TEX15: variants seen among roughly 807,000 people sequenced by gnomAD.
TEX15 encodes testis-expressed protein 15.
In TEX15, 171 loss-of-function variants were observed where a neutral mutation model predicts 237.3. The observed-to-expected ratio is 0.72, with a 90% CI of 0.64 to 0.82. TEX15 has a LOEUF of 0.82. TEX15 is among the 40% of genes least tolerant of loss of function. TEX15 has a pLI of 0.00. For synonymous variants in TEX15, 1,338 were observed against 1,269.8 expected (o/e 1.05, Z -1.14); for missense variants, 3,750 against 3,646.5 (o/e 1.03, Z -0.73).
At position 30,858,848 on chromosome 8, in the gene TEX15, G is replaced by C; in HGVS notation, c.688-18C>G. 2.7e-6 allele frequency: 4 copies of C among 1,486,934 alleles called. No individual in the cohort carries two copies. The highest frequency in any genetic ancestry group is 3.5e-6 in the Non-Finnish European group (4 of 1,127,380). The allele number at this position is 1,486,934 out of a possible 1,614,324, so 92.1% of individuals were successfully genotyped here. A position where few individuals can be genotyped will look rare whatever the true frequency, so the allele number is the denominator to read the frequency against. On this transcript the variant is annotated intron_variant, in intron 6 of 10. Transcript: ENST00000643185. ...AAGTACACCTGAAAGATGAAAACAG[G>C]TTCATGCTGATTAATTTTGGCAATC...
chr8:30,833,617 CT>C (rs1807228102), intron 10 of TEX15, among the ~76,000 whole-genome samples: 1 of 152,164 alleles, frequency 6.6e-6, no homozygotes, highest in South Asian at 2.1e-4. Context: ...AAGCACTGTC[CT>C]TTAGTTCCAT....
rs1171817434 is a variant in TEX15, at chr8:30,832,819, A to G, written c.*467T>C. 6.6e-6 allele frequency: 1 copy of G among 152,328 alleles called. No individual in the cohort carries two copies. Among genetic ancestry groups the G allele is most frequent in the Non-Finnish European group, 1.5e-5 (1 of 68,098 alleles). 9.4% of individuals were successfully genotyped at this position (152,328 alleles called of 1,614,324 possible). The stretch of plus-strand genomic sequence containing the variant: ...CAAACCAATTTTTCTTATTAAAAAT[A>G]TTTTACAAGTAGAAACTATAAAATA... On this transcript the variant is annotated 3_prime_UTR_variant, in exon 11 of 11. Coordinates refer to ENST00000643185, the MANE Select transcript of TEX15 (RefSeq NM_001350162.2).
At position 30,846,067 on chromosome 8, in the gene TEX15, T is replaced by C. The variant is rs1807596556; in HGVS notation, c.4100A>G (p.Glu1367Gly). 1.2e-6 allele frequency: 2 copies of C among 1,613,328 alleles called. No individual in the cohort carries two copies. Among genetic ancestry groups the C allele is most frequent in the Non-Finnish European group, 8.5e-7 (1 of 1,179,616 alleles). The change falls in exon 8 of 11, where the codon GAA (glutamate) becomes GGA (glycine). Residue 1367 changes from glutamate to glycine, a missense_variant. Glu to Gly is a moderately conservative substitution (Grantham distance 98). Transcript: ENST00000643185. Reference protein sequence around the residue: ...IKSVLNILSDEASLCKSKCLS... With the variant: ...IKSVLNILSDGASLCKSKCLS... The stretch of plus-strand genomic sequence containing the variant: ...ACATTTGCTTTTACATAAAGATGCT[T>C]CATCACTTAGGATATTTAGGACACT...
chr8:30,837,993 T>C lies in TEX15; in HGVS notation c.8291A>G (p.Asn2764Ser), dbSNP rs1188979768. The C allele has an allele frequency of 2.5e-6, 4 of 1,614,118 alleles. No homozygotes were observed. The highest frequency in any genetic ancestry group is 1.6e-4 in the Middle Eastern group (1 of 6,062). Reference protein sequence around the residue: ...VPSSCDSLKRNHLTPKKVEMQ... With the variant: ...VPSSCDSLKRSHLTPKKVEMQ... ...TTCAACCTTTTTTGGCGTTAAATGA[T>C]TTCTTTTCAGACTGTCACATGAACT... Residue 2764 changes from asparagine (N) to serine (S), a missense_variant, in exon 10 of 11, where the codon AAT (asparagine) becomes AGT (serine). Transcript: ENST00000643185.
At chr8:30,893,922 C>T (rs1808844159) in intron 2 of TEX15, among the ~76,000 whole-genome samples, 1 of 152,020 alleles carries the variant, frequency 6.6e-6, no homozygotes, top group African/African-American at 2.4e-5. Flanking sequence ...CTTCTTTTAC[C>T]TATGTTCAAA....
intron 1 of TEX15, among the ~76,000 whole-genome samples, chr8:30,912,457 G>C (rs1231825412): frequency 6.6e-6 from 1 of 152,302 alleles, no homozygotes; most frequent in African/African-American, 2.4e-5. Flanking sequence ...AGGGAGCCAG[G>C]GCGAGGCGGA....
chr8:30,840,897 C>G (rs1192518447), intron 8 of TEX15, among the ~76,000 whole-genome samples: 1 of 152,042 alleles, frequency 6.6e-6, no homozygotes, highest in African/African-American at 2.4e-5. Context: ...TTAAATTGTT[C>G]CAGACTTAAT....
At chr8:30,834,388 T>C (rs930531219) in intron 10 of TEX15, among the ~76,000 whole-genome samples, 10 of 152,142 alleles carry the variant, frequency 6.6e-5, no homozygotes, top group African/African-American at 2.4e-4. Context: ...TCCAGGCTGG[T>C]CTCAAACTCC....
chr8:30,903,432 A>C (rs1809042581), intron 1 of TEX15, among the ~76,000 whole-genome samples: 1 of 152,182 alleles, frequency 6.6e-6, no homozygotes, highest in South Asian at 2.1e-4. Flanking sequence ...CTGCAGTACA[A>C]ACAGATTGAG....
In TEX15 at chr8:30,868,313, C is replaced by T. The variant is rs1174644401; in HGVS notation, c.303-811G>A. Among the ~76,000 whole-genome samples, 5 of 152,040 alleles carry T rather than the reference C, an allele frequency of 3.3e-5. No individual in the cohort carries two copies. The East Asian group carries it at 9.6e-4, about 29-fold the overall frequency. On this transcript the variant is annotated intron_variant, in intron 4 of 10. Coordinates refer to ENST00000643185, the MANE Select transcript of TEX15 (RefSeq NM_001350162.2). ...CCCTAAAATTGGCAGATTAGATATT[C>T]TATATGGCTTGCTCAGGAGTAGTGG... is the stretch of plus-strand genomic sequence containing the variant.
chr8:30,888,463 C>T (rs1246848391), intron 2 of TEX15, among the ~76,000 whole-genome samples: 2 of 151,900 alleles, frequency 1.3e-5, no homozygotes, highest in Non-Finnish European at 2.9e-5. Flanking sequence ...CAAAAATATT[C>T]CTCCCCTTCC....
In TEX15 at chr8:30,912,303, G is replaced by A. The variant is rs373858484; in HGVS notation, c.-86+576C>T. 2.1e-4 allele frequency among the ~76,000 whole-genome samples: 31 copies of A among 148,064 alleles called. No homozygotes were observed. The East Asian group carries it at 4.7e-3, about 22-fold the overall frequency. On this transcript the variant is annotated intron_variant, in intron 1 of 10. Coordinates refer to ENST00000643185, the MANE Select transcript of TEX15 (RefSeq NM_001350162.2). Reference sequence around the variant, plus strand: ...CTCCAGGGTCGCGAGTCCCACAGGAGTCCCGAGTTGCGGTCCCGGGGCGGC... The same window carrying A: ...CTCCAGGGTCGCGAGTCCCACAGGAATCCCGAGTTGCGGTCCCGGGGCGGC...
chr8:30,865,650 C>A (rs1041682872), intron 5 of TEX15, among the ~76,000 whole-genome samples: 2 of 152,080 alleles, frequency 1.3e-5, no homozygotes, highest in African/African-American at 2.4e-5. Flanking sequence ...TCAACTTATA[C>A]AAATCAATAA....
intron 5 of TEX15, among the ~76,000 whole-genome samples, chr8:30,865,530 C>T (rs1011247151): frequency 1.3e-5 from 2 of 152,086 alleles, no homozygotes; most frequent in East Asian, 1.9e-4. Flanking sequence ...CCCTGATGAA[C>T]AGAGATGTAA....
Position 30,846,914 on chromosome 8 carries a change from G to C in TEX15, c.3253C>G (p.Leu1085Val). 1.2e-6 allele frequency: 2 copies of C among 1,613,702 alleles called. No individual in the cohort carries two copies. The highest frequency in any genetic ancestry group is 2.2e-5 in the East Asian group (1 of 44,876). ...TATGAGGTCACAAATTCTTCACAAA[G>C]CATGTTTTCATGGCTATGTGTATCT... ...QQDTHSHENM[L>V]CEEFVTSYKA... is the part of the protein sequence containing the mutation. Residue 1085 changes from leucine to valine, a missense_variant, in exon 8 of 11, where the codon CTT becomes GTT. By Grantham distance (32) the Leu-to-Val change is conservative (BLOSUM62 1). Coordinates refer to ENST00000643185, the MANE Select transcript of TEX15 (RefSeq NM_001350162.2).
rs183773900 is a variant in TEX15 at position 30,846,274 on chromosome 8, C to T, written c.3893G>A (p.Arg1298Lys). ...DTKNKKEVES[R>K]ISKRKLHISS... ...TATATGTAGCTTCCTTTTGCTAATTCTTGATTCTACCTCCTTTTTATTTTT... is the reference window on the plus strand; with the variant it reads ...TATATGTAGCTTCCTTTTGCTAATTTTTGATTCTACCTCCTTTTTATTTTT... The change falls in exon 8 of 11, where the codon AGA becomes AAA. Residue 1298 changes from arginine (R) to lysine (K), a missense_variant. Arg to Lys is a conservative substitution (Grantham distance 26). Transcript: ENST00000643185. The T allele has an allele frequency of 5.8e-5, 93 of 1,613,324 alleles. No homozygotes were observed. The East Asian group carries it at 1.8e-3, about 32-fold the overall frequency.
chr8:30,868,742 A>G (rs980352857), intron 4 of TEX15, among the ~76,000 whole-genome samples: 1 of 152,000 alleles, frequency 6.6e-6, no homozygotes, highest in Non-Finnish European at 1.5e-5. Context: ...ATCACTGTCT[A>G]AGATTCTTAC....
chr8:30,831,959 TA>T lies in TEX15; in HGVS notation c.*1326del, dbSNP rs1376530610. On this transcript the variant is annotated 3_prime_UTR_variant, in exon 11 of 11. Coordinates refer to ENST00000643185, the MANE Select transcript of TEX15 (RefSeq NM_001350162.2). ...GCATGGACCAAATAGAAATGTTTTTTAAATATTGTTTTAACTCTATCGTCTT... is the reference window on the plus strand; with the variant it reads ...GCATGGACCAAATAGAAATGTTTTTTAATATTGTTTTAACTCTATCGTCTT... The T allele has an allele frequency of 1.3e-5, 2 of 152,240 alleles. No individual in the cohort carries two copies. The highest frequency in any genetic ancestry group is 2.4e-5 in the African/African-American group (1 of 41,468). The allele number at this position is 152,240 out of a possible 1,614,324, so 9.4% of individuals were successfully genotyped here. A position where few individuals can be genotyped will look rare whatever the true frequency, so the allele number is the denominator to read the frequency against.
chr8:30,842,746 A>G lies in TEX15; in HGVS notation c.7421T>C (p.Met2474Thr). The G allele has an allele frequency of 6.2e-7, 1 of 1,613,532 alleles. No individual in the cohort carries two copies. Among genetic ancestry groups the G allele is most frequent in the South Asian group, 1.1e-5 (1 of 91,014 alleles). Residue 2474 changes from methionine (M) to threonine (T), a missense_variant, in exon 8 of 11, where the codon ATG becomes ACG. Met to Thr is a moderately conservative substitution (Grantham distance 81). Coordinates refer to ENST00000643185, the MANE Select transcript of TEX15 (RefSeq NM_001350162.2). Reference sequence around the variant, plus strand: ...AAGAAGTGACAAATCAAACCAAAGCATACCTCGAAACCTCTGTTTGTCTAG... The same window carrying G: ...AAGAAGTGACAAATCAAACCAAAGCGTACCTCGAAACCTCTGTTTGTCTAG... Reference protein sequence around the residue: ...KKLDKQRFRGMLWFDLSLLPE... With the variant: ...KKLDKQRFRGTLWFDLSLLPE...
Sources: allele counts gnomAD v4.1 joint callset (sites outside exome capture counted in the v4.1 genomes callset), GRCh38; gene constraint gnomAD v4.1.1; transcripts MANE v1.5; gene names NCBI Gene and HGNC (gene_info 2026-07-23, HGNC 2026-07-21).